Variants in NWD2 observed in about 807,000 individuals in gnomAD.
NWD2 encodes NACHT and WD repeat domain containing 2, also known as NACHT and WD repeat domain-containing protein 2.
Under a neutral mutation model 132.7 loss-of-function variants are expected in NWD2, and 37 were observed. The observed-to-expected ratio is 0.28, with a 90% CI of 0.21 to 0.37. The LOEUF is 0.37. Ranked by LOEUF, NWD2 falls within the 10% of genes least tolerant of loss-of-function variation. The probability of loss-of-function intolerance (pLI) is 1.00; values close to 1 mark genes in which losing one functional copy is unlikely to be tolerated. For synonymous variants in NWD2, 705 were observed against 803.0 expected, an observed-to-expected ratio of 0.88 and a Z score of 2.06; for missense variants, 1,592 against 2,122.4, an observed-to-expected ratio of 0.75 and a Z score of 4.91.
intron 1 of NWD2, among the ~76,000 whole-genome samples, chr4:37,254,155 C>T (rs930303): frequency 0.011 from 1,724 of 152,282 alleles, 31 homozygotes; most frequent in East Asian, 0.071. Context: ...GCCCATGACA[C>T]ATGTTTACCT....
chr4:37,393,806 T>G (rs1720726235), intron 3 of NWD2, among the ~76,000 whole-genome samples: 1 of 152,244 alleles, frequency 6.6e-6, no homozygotes, highest in African/African-American at 2.4e-5. Flanking sequence ...AACTTTCTGC[T>G]TCTTAAGGCT....
intron 3 of NWD2, among the ~76,000 whole-genome samples, chr4:37,395,584 C>CAAAAAA (rs1156884728): frequency 0.13 from 2,380 of 18,252 alleles, 674 homozygotes; most frequent in Non-Finnish European, 0.19. Flanking sequence ...AACTCTGTCT[C>CAAAAAA]AAAAAAAAAA....
At chr4:37,430,260 C>G (rs1190560468) in intron 3 of NWD2, among the ~76,000 whole-genome samples, 1 of 152,154 alleles carries the variant, frequency 6.6e-6, no homozygotes, top group African/African-American at 2.4e-5. Context: ...TATGAACAAA[C>G]AAATCTCAGA....
chr4:37,320,606 G>C (rs918130082), intron 1 of NWD2, among the ~76,000 whole-genome samples: 1 of 152,060 alleles, frequency 6.6e-6, no homozygotes, highest in African/African-American at 2.4e-5. Flanking sequence ...GGCTAGATGA[G>C]TACAGAGGAA....
chr4:37,289,800 T>C (rs1480848485), intron 1 of NWD2, among the ~76,000 whole-genome samples: 2 of 152,170 alleles, frequency 1.3e-5, no homozygotes, highest in African/African-American at 2.4e-5. Context: ...CCCCTCCTAG[T>C]GAGTCCCACT....
intron 1 of NWD2, among the ~76,000 whole-genome samples, chr4:37,251,449 G>A (rs531660367): frequency 5.3e-5 from 8 of 152,266 alleles, no homozygotes; most frequent in Non-Finnish European, 1.0e-4. Context: ...AATCATTATA[G>A]AGGTTGGAGG....
intron 1 of NWD2, among the ~76,000 whole-genome samples, chr4:37,275,644 G>C (rs1401255417): frequency 6.6e-6 from 1 of 152,116 alleles, no homozygotes; most frequent in Non-Finnish European, 1.5e-5. Context: ...AAAGAACAAA[G>C]CTGGAGGCAT....
intron 3 of NWD2, among the ~76,000 whole-genome samples, chr4:37,360,996 AATACAAAAGATCCTCAGGGACT>A (rs1405825486): frequency 5.9e-5 from 9 of 152,192 alleles, no homozygotes; most frequent in Admixed American, 1.3e-4. Flanking sequence ...ATCCCACAGA[AATACAAAAGATCCTCAGGGACT>A]ATACAAAAGA....
In NWD2 at chr4:37,244,909, G is replaced by C; in HGVS notation, c.-159G>C. 1 of 889,262 alleles carries C rather than the reference G, an allele frequency of 1.1e-6. No homozygotes were observed. Among genetic ancestry groups the C allele is most frequent in the Non-Finnish European group, 1.6e-6 (1 of 612,314 alleles). The allele number at this position is 889,262 out of a possible 1,614,324, so 55.1% of individuals were successfully genotyped here. On this transcript the variant is annotated 5_prime_UTR_variant, in exon 1 of 7. Transcript: ENST00000309447. This position sits in a 1 kb window ranked among gnomAD's most constrained non-coding sequence, Gnocchi z 5.5. ...TTCTCCTCGCCGGCGGGTGCTGTGC[G>C]CCACGGAGCTCGCCAAAGGCGCTTC...
chr4:37,355,406 G>A (rs979661518), intron 2 of NWD2, among the ~76,000 whole-genome samples: 3 of 152,060 alleles, frequency 2.0e-5, no homozygotes, highest in Non-Finnish European at 4.4e-5. Flanking sequence ...CAGATCTGTG[G>A]GGGCCCATAG....
chr4:37,277,379 C>G (rs978511866), intron 1 of NWD2, among the ~76,000 whole-genome samples: 2 of 151,396 alleles, frequency 1.3e-5, no homozygotes, highest in Non-Finnish European at 3.0e-5. Flanking sequence ...CTTTTTTTCT[C>G]TTCTTCTGGG....
intron 3 of NWD2, among the ~76,000 whole-genome samples, chr4:37,415,563 G>A (rs1341808350): frequency 6.6e-6 from 1 of 152,116 alleles, no homozygotes; most frequent in Non-Finnish European, 1.5e-5. Flanking sequence ...AATTAGCCGG[G>A]CGTGGTGGCA....
intron 2 of NWD2, among the ~76,000 whole-genome samples, chr4:37,332,326 G>A (rs1211266482): frequency 6.6e-6 from 1 of 152,096 alleles, no homozygotes; most frequent in Non-Finnish European, 1.5e-5. Flanking sequence ...GAGGACTTTG[G>A]CAACTTGGAC....
At chr4:37,348,342 T>G (rs1218144968) in intron 2 of NWD2, among the ~76,000 whole-genome samples, 1 of 151,828 alleles carries the variant, frequency 6.6e-6, no homozygotes, top group Non-Finnish European at 1.5e-5. Context: ...ATAAATCACC[T>G]CCTCCACGGA....
intron 1 of NWD2, among the ~76,000 whole-genome samples, chr4:37,301,525 G>T (rs886722615): frequency 1.3e-5 from 2 of 151,010 alleles, no homozygotes; most frequent in Admixed American, 6.6e-5. Flanking sequence ...CTTTCTCTTG[G>T]TGTGATGAAT....
In NWD2 at chr4:37,319,832, T is replaced by C. The variant is rs547948891; in HGVS notation, c.152-6104T>C. 5.9e-5 allele frequency among the ~76,000 whole-genome samples: 9 copies of C among 152,316 alleles called. No individual in the cohort carries two copies. In the South Asian group the frequency reaches 1.0e-3, roughly 18 times the overall value. On this transcript the variant is annotated intron_variant, in intron 1 of 6. Coordinates refer to ENST00000309447, the MANE Select transcript of NWD2 (RefSeq NM_001144990.2). ...TTCTCTATTATGTTACGTTGGTCTA[T>C]GTGCCTGTTTTTGTATCAGTACCGT...
chr4:37,388,230 CTG>C (rs925622766), intron 3 of NWD2, among the ~76,000 whole-genome samples: 2 of 152,126 alleles, frequency 1.3e-5, no homozygotes, highest in African/African-American at 4.8e-5. Context: ...GTTGCCCAGA[CTG>C]GAGTGCAATA....
chr4:37,299,745 G>A (rs1718575769), intron 1 of NWD2, among the ~76,000 whole-genome samples: 1 of 152,038 alleles, frequency 6.6e-6, no homozygotes, highest in African/African-American at 2.4e-5. Flanking sequence ...CTCAATGAAA[G>A]GACAGCTGCA....
At chr4:37,310,801 A>T (rs1718824040) in intron 1 of NWD2, among the ~76,000 whole-genome samples, 1 of 103,174 alleles carries the variant, frequency 9.7e-6, no homozygotes, top group African/African-American at 3.9e-5. Flanking sequence ...ACCCCACAAC[A>T]GTCCCCAGAG....
Sources: gnomAD v4.1 joint callset for allele counts (sites outside exome capture counted in the v4.1 genomes callset) on GRCh38, gnomAD v4.1.1 for gene constraint, Gnocchi (gnomAD v3.1) non-coding constraint, MANE v1.5 for transcripts, NCBI Gene and HGNC (gene_info 2026-07-23, HGNC 2026-07-21) for gene names.